The following TCF15 variants were observed in gnomAD, a reference collection of about 807,000 sequenced individuals.
The protein encoded by TCF15 is TCF-15.
A neutral mutation model predicts 11.1 loss-of-function variants in TCF15; 7 were observed. The observed-to-expected ratio is 0.63, with a 90% CI of 0.36 to 1.19. The LOEUF (loss-of-function observed/expected upper bound fraction) is 1.19. Ranked by LOEUF, TCF15 falls within the 50% of genes most tolerant of loss-of-function variation. The pLI, the probability that TCF15 is intolerant of heterozygous loss-of-function variation, is 0.02. For missense variants in TCF15, 288 were observed against 289.4 expected, an observed-to-expected ratio of 1.00 and a Z score of 0.03; for synonymous variants, 144 against 138.9, an observed-to-expected ratio of 1.04 and a Z score of -0.26.
intron 1 of TCF15, among the ~76,000 whole-genome samples, chr20:605,715 A>G (rs1330479031): frequency 1.3e-5 from 2 of 152,196 alleles, no homozygotes; most frequent in African/African-American, 4.8e-5. Flanking sequence ...CAGTCCTTAC[A>G]GGGGCTGTCT....
chr20:609,830 G>C lies in TCF15; in HGVS notation c.408C>G (p.Asp136Glu). 6 of 1,518,878 alleles carry C rather than the reference G, an allele frequency of 4.0e-6. No individual in the cohort carries two copies. The highest frequency in any genetic ancestry group is 5.2e-6 in the Non-Finnish European group (6 of 1,144,568). The allele number at this position is 1,518,878 out of a possible 1,614,324, so 94.1% of individuals were successfully genotyped here. ...NVLLLGDSAD[D>E]GQPCFRAAGS... The stretch of plus-strand genomic sequence containing the variant: ...CCGCGGCACGGAAGCACGGCTGCCC[G>C]TCGTCGGCCGAGTCGCCCAGCAGCA... The change falls in exon 1 of 2, where the codon GAC becomes GAG. Residue 136 changes from aspartate (D) to glutamate (E), a missense_variant. Asp to Glu is a conservative substitution (Grantham distance 45, BLOSUM62 2). Coordinates refer to ENST00000246080, the MANE Select transcript of TCF15 (RefSeq NM_004609.4). The surrounding 1 kb of genome is among the most constrained non-coding windows in gnomAD (Gnocchi z 4.7).
intron 1 of TCF15, among the ~76,000 whole-genome samples, chr20:606,251 A>AG (rs1419701983): frequency 6.6e-6 from 1 of 152,130 alleles, no homozygotes; most frequent in Non-Finnish European, 1.5e-5. Context: ...AAGGGCAGAT[A>AG]GGGGAGGGGG....
intron 1 of TCF15, among the ~76,000 whole-genome samples, chr20:606,337 G>A (rs1166026038): frequency 3.9e-5 from 6 of 152,040 alleles, no homozygotes; most frequent in Admixed American, 2.0e-4. Context: ...AGGGAGAGCC[G>A]CCCCCTCCCA....
In TCF15 at chr20:609,630, CT is replaced by C. The variant is rs2020004767; in HGVS notation, c.525+82del. ...TTCCCCCTGGCCTCGTTGGGGACCC[CT>C]GCACCTCTCCGGTTCCCGCAGAGGC... On this transcript the variant is annotated intron_variant, in intron 1 of 1. Coordinates refer to ENST00000246080, the MANE Select transcript of TCF15 (RefSeq NM_004609.4). This position sits in a 1 kb window ranked among gnomAD's most constrained non-coding sequence, Gnocchi z 4.7. 43 of 1,304,068 alleles carry C rather than the reference CT, an allele frequency of 3.3e-5. No individual in the cohort carries two copies. Among genetic ancestry groups the C allele is most frequent in the Non-Finnish European group, 4.2e-5 (43 of 1,033,062 alleles). The allele number at this position is 1,304,068 out of a possible 1,614,324, so 80.8% of individuals were successfully genotyped here.
chr20:605,717 G>A (rs1442845349), intron 1 of TCF15, among the ~76,000 whole-genome samples: 1 of 152,140 alleles, frequency 6.6e-6, no homozygotes, highest in Non-Finnish European at 1.5e-5. Flanking sequence ...GTCCTTACAG[G>A]GGCTGTCTCT....
chr20:609,807 G>A lies in TCF15; in HGVS notation c.431C>T (p.Ala144Val). 1.3e-6 allele frequency: 2 copies of A among 1,494,986 alleles called. No homozygotes were observed. The highest frequency in any genetic ancestry group is 1.3e-5 in the South Asian group (1 of 77,362). 92.6% of individuals were successfully genotyped at this position (1,494,986 alleles called of 1,614,324 possible). A position where few individuals can be genotyped will look rare whatever the true frequency, so the allele number is the denominator to read the frequency against. Residue 144 changes from alanine (A) to valine (V), a missense_variant, in exon 1 of 2, where the codon GCG becomes GTG. By Grantham distance (64) the Ala-to-Val change is moderately conservative. Transcript: ENST00000246080. The surrounding 1 kb of genome is among the most constrained non-coding windows in gnomAD (Gnocchi z 4.7). ...ADDGQPCFRA[A>V]GSAKGAVPAA... ...GGGGACGGCGCCCTTGGCACTGCCC[G>A]CGGCACGGAAGCACGGCTGCCCGTC...
rs2020002271 is a variant in TCF15 at position 609,321 on chromosome 20, T to C, written c.525+392A>G. Among the ~76,000 whole-genome samples the C allele has an allele frequency of 6.6e-6, 1 of 152,174 alleles. No homozygotes were observed. The highest frequency in any genetic ancestry group is 1.5e-5 in the Non-Finnish European group (1 of 68,032). ...ATCAGGATAAAATGGGCAGAAAAACTACCTGCCTGAAGGGATTCTTGTGAA... is the reference window on the plus strand; with the variant it reads ...ATCAGGATAAAATGGGCAGAAAAACCACCTGCCTGAAGGGATTCTTGTGAA... On this transcript the variant is annotated intron_variant, in intron 1 of 1. Coordinates refer to ENST00000246080, the MANE Select transcript of TCF15 (RefSeq NM_004609.4). This position sits in a 1 kb window ranked among gnomAD's most constrained non-coding sequence, Gnocchi z 4.7.
rs1021291728 is a variant in TCF15 at position 604,307 on chromosome 20, ACACT to A, written c.*280_*283del. 82 of 522,158 alleles carry A rather than the reference ACACT, an allele frequency of 1.6e-4. No individual in the cohort carries two copies. Among genetic ancestry groups the A allele is most frequent in the Admixed American group, 3.2e-4 (9 of 28,270 alleles). The allele number at this position is 522,158 out of a possible 1,614,324, so 32.3% of individuals were successfully genotyped here. ...TAAACTCACCAATTCTCTCTCACACACACTCACACTCACGCACAGATACACACAC... is the reference window on the plus strand; with the variant it reads ...TAAACTCACCAATTCTCTCTCACACACACACTCACGCACAGATACACACAC... On this transcript the variant is annotated 3_prime_UTR_variant, in exon 2 of 2. Coordinates refer to ENST00000246080, the MANE Select transcript of TCF15 (RefSeq NM_004609.4). This position sits in a 1 kb window ranked among gnomAD's most constrained non-coding sequence, Gnocchi z 4.2.
In TCF15 at chr20:609,628, C is replaced by T. The variant is rs1456536622; in HGVS notation, c.525+85G>A. 1.5e-6 allele frequency: 2 copies of T among 1,301,594 alleles called. No homozygotes were observed. Among genetic ancestry groups the T allele is most frequent in the Non-Finnish European group, 1.9e-6 (2 of 1,031,046 alleles). 80.6% of individuals were successfully genotyped at this position (1,301,594 alleles called of 1,614,324 possible). A position where few individuals can be genotyped will look rare whatever the true frequency, so the allele number is the denominator to read the frequency against. On this transcript the variant is annotated intron_variant, in intron 1 of 1. Transcript: ENST00000246080. The surrounding 1 kb of genome is among the most constrained non-coding windows in gnomAD (Gnocchi z 4.7). Reference sequence around the variant, plus strand: ...GCTTCCCCCTGGCCTCGTTGGGGACCCCTGCACCTCTCCGGTTCCCGCAGA... The same window carrying T: ...GCTTCCCCCTGGCCTCGTTGGGGACTCCTGCACCTCTCCGGTTCCCGCAGA...
At position 606,892 on chromosome 20, in the gene TCF15, G is replaced by A. The variant is rs771043578; in HGVS notation, c.526-2227C>T. Among the ~76,000 whole-genome samples the A allele has an allele frequency of 3.0e-4, 46 of 151,618 alleles. 1 individual carries two copies. The highest frequency in any genetic ancestry group is 4.4e-4 in the Non-Finnish European group (30 of 67,976). ...TAGGAACTCAGCACCAAGGGTCTTC[G>A]GGAAGCACCATGGTTAGGAGTTAGG... On this transcript the variant is annotated intron_variant, in intron 1 of 1. Coordinates refer to ENST00000246080, the MANE Select transcript of TCF15 (RefSeq NM_004609.4).
Position 609,594 on chromosome 20 carries a change from T to A in TCF15, c.525+119A>T, listed in dbSNP as rs1162060885. On this transcript the variant is annotated intron_variant, in intron 1 of 1. Coordinates refer to ENST00000246080, the MANE Select transcript of TCF15 (RefSeq NM_004609.4). The surrounding 1 kb of genome is among the most constrained non-coding windows in gnomAD (Gnocchi z 4.7). ...CTTGGGGTGCCGCACCCAGCACGAA[T>A]TCCACGTCGCTTCCCCCTGGCCTCG... The A allele has an allele frequency of 5.0e-6, 6 of 1,196,878 alleles. No individual in the cohort carries two copies. Among genetic ancestry groups the A allele is most frequent in the Non-Finnish European group, 6.4e-6 (6 of 942,406 alleles). 74.1% of individuals were successfully genotyped at this position (1,196,878 alleles called of 1,614,324 possible). A position where few individuals can be genotyped will look rare whatever the true frequency, so the allele number is the denominator to read the frequency against.
intron 1 of TCF15, among the ~76,000 whole-genome samples, chr20:607,516 T>C (rs372304288): frequency 3.9e-5 from 6 of 152,298 alleles, no homozygotes; most frequent in African/African-American, 1.4e-4. Context: ...CAAGGGGCCA[T>C]AGCTGGCCAG....
chr20:609,786 A>T lies in TCF15; in HGVS notation c.452T>A (p.Val151Asp). ...GCGGCCGCCGTCGGCGGCGGCGGGG[A>T]CGGCGCCCTTGGCACTGCCCGCGGC... ...FRAAGSAKGA[V>D]PAAADGGRQP... The change falls in exon 1 of 2, where the codon GTC becomes GAC. Residue 151 changes from valine to aspartate, a missense_variant. Transcript: ENST00000246080. The surrounding 1 kb of genome is among the most constrained non-coding windows in gnomAD (Gnocchi z 4.7). 4 of 1,427,074 alleles carry T rather than the reference A, an allele frequency of 2.8e-6. No homozygotes were observed. The highest frequency in any genetic ancestry group is 3.6e-6 in the Non-Finnish European group (4 of 1,103,336). 88.4% of individuals were successfully genotyped at this position (1,427,074 alleles called of 1,614,324 possible).
chr20:610,016 C>A lies in TCF15; in HGVS notation c.222G>T (p.Arg74=), dbSNP rs756270600. Residue 74 remains arginine (R), a synonymous_variant, in exon 1 of 2, where the codon CGG becomes CGT. Transcript: ENST00000246080. ...CCCGCTCCCGCGCGTTGGCCGCCTG[C>A]CGCTGTCGCACCACCACCACGGGGC... is the stretch of plus-strand genomic sequence containing the variant. The part of the protein sequence containing the change: ...GAGPVVVVRQ[R]QAANARERDR... The A allele has an allele frequency of 7.5e-7, 1 of 1,326,380 alleles. No homozygotes were observed. Among genetic ancestry groups the A allele is most frequent in the South Asian group, 2.0e-5 (1 of 49,910 alleles). 82.2% of individuals were successfully genotyped at this position (1,326,380 alleles called of 1,614,324 possible). A position where few individuals can be genotyped will look rare whatever the true frequency, so the allele number is the denominator to read the frequency against.
rs997078677 is a variant in TCF15 at position 604,655 on chromosome 20, C to T, written c.536G>A (p.Arg179His). 42 of 1,552,072 alleles carry T rather than the reference C, an allele frequency of 2.7e-5. 1 individual carries two copies. The Admixed American group carries it at 4.5e-4, about 17-fold the overall frequency. The change falls in exon 2 of 2, where the codon CGT becomes CAT. Residue 179 changes from arginine to histidine, a missense_variant. By Grantham distance (29) the Arg-to-His change is conservative (BLOSUM62 0). Transcript: ENST00000246080. This position sits in a 1 kb window ranked among gnomAD's most constrained non-coding sequence, Gnocchi z 4.2. ...CTTCAAGCAGCTGCCCCCCAGGTCA[C>T]GACGGCCACCCTGCAGAGGGGGAGA... ...LSNQRKGGGR[R>H]DLGGSCLKVR...
In TCF15 at chr20:604,754, G is replaced by T. The variant is rs2019958665; in HGVS notation, c.526-89C>A. 3 of 1,047,360 alleles carry T rather than the reference G, an allele frequency of 2.9e-6. No individual in the cohort carries two copies. Among genetic ancestry groups the T allele is most frequent in the African/African-American group, 1.6e-5 (1 of 61,868 alleles). 64.9% of individuals were successfully genotyped at this position (1,047,360 alleles called of 1,614,324 possible). ...CTCTGTATCCCTCAAGAGGGATCCT[G>T]ATCAATAAATCACAGTTCAGCCACA... is the stretch of plus-strand genomic sequence containing the variant. On this transcript the variant is annotated intron_variant, in intron 1 of 1. Coordinates refer to ENST00000246080, the MANE Select transcript of TCF15 (RefSeq NM_004609.4). The surrounding 1 kb of genome is among the most constrained non-coding windows in gnomAD (Gnocchi z 4.2).
intron 1 of TCF15, among the ~76,000 whole-genome samples, chr20:606,999 CT>C (rs2019981325): frequency 6.6e-6 from 1 of 152,198 alleles, no homozygotes; most frequent in South Asian, 2.1e-4. Flanking sequence ...TTTCATCTCA[CT>C]GAGCCTCAGT....
At chr20:608,202 C>T (rs2019992559) in intron 1 of TCF15, among the ~76,000 whole-genome samples, 1 of 152,214 alleles carries the variant, frequency 6.6e-6, no homozygotes, top group Non-Finnish European at 1.5e-5. Context: ...CCCCCACCAT[C>T]AGACCACAGC....
rs781368531 is a variant in TCF15 at position 609,788 on chromosome 20, G to A, written c.450C>T (p.Ala150=). The change falls in exon 1 of 2, where the codon GCC becomes GCT. Residue 150 remains alanine, a synonymous_variant. Transcript: ENST00000246080. This position sits in a 1 kb window ranked among gnomAD's most constrained non-coding sequence, Gnocchi z 4.7. The stretch of plus-strand genomic sequence containing the variant: ...GGCCGCCGTCGGCGGCGGCGGGGAC[G>A]GCGCCCTTGGCACTGCCCGCGGCAC... ...CFRAAGSAKG[A]VPAAADGGRQ... is the part of the protein sequence containing the mutation. 4 of 1,431,684 alleles carry A rather than the reference G, an allele frequency of 2.8e-6. No individual in the cohort carries two copies. Among genetic ancestry groups the A allele is most frequent in the Admixed American group, 6.4e-5 (2 of 31,138 alleles). The allele number at this position is 1,431,684 out of a possible 1,614,324, so 88.7% of individuals were successfully genotyped here.
Sources: gnomAD v4.1 joint callset for allele counts (sites outside exome capture counted in the v4.1 genomes callset) on GRCh38, gnomAD v4.1.1 for gene constraint, Gnocchi (gnomAD v3.1) non-coding constraint, MANE v1.5 for transcripts, NCBI Gene and HGNC (gene_info 2026-07-23, HGNC 2026-07-21) for gene names.